The following KDM4C variants were observed in gnomAD, a reference collection of about 807,000 sequenced individuals.
KDM4C encodes lysine demethylase 4C.
A neutral mutation model predicts 129.3 loss-of-function variants in KDM4C; 81 were observed. The ratio of observed to expected loss-of-function variants is 0.63; its 90% CI spans 0.52 to 0.75. The LOEUF (loss-of-function observed/expected upper bound fraction) is 0.75. Among genes scored for constraint, KDM4C ranks in the 30% least tolerant of loss-of-function variants. The pLI, the probability that KDM4C is intolerant of heterozygous loss-of-function variation, is 0.00. For missense variants in KDM4C, 1,457 were observed against 1,304.0 expected (o/e 1.12, Z -1.81); for synonymous variants, 573 against 456.1 (o/e 1.26, Z -3.26).
intron 4 of KDM4C, among the ~76,000 whole-genome samples, chr9:6,820,016 G>A (rs542283937): frequency 2.6e-5 from 4 of 151,656 alleles, no homozygotes; most frequent in East Asian, 1.9e-4. Context: ...AATCGTAGCC[G>A]TTTTTTGGTG....
chr9:7,082,454 T>C (rs6477150), intron 17 of KDM4C, among the ~76,000 whole-genome samples: 119,762 of 152,146 alleles, frequency 0.79, 47,550 homozygotes, highest in African/African-American at 0.88. Flanking sequence ...ATCACTGGAT[T>C]TTCCAGAGCC....
chr9:6,903,094 A>T (rs1817680749), intron 8 of KDM4C, among the ~76,000 whole-genome samples: 1 of 152,128 alleles, frequency 6.6e-6, no homozygotes, highest in African/African-American at 2.4e-5. Flanking sequence ...TTTTGATTCG[A>T]TTAAAAAAAC....
intron 4 of KDM4C, among the ~76,000 whole-genome samples, chr9:6,841,163 A>G (rs1836845908): frequency 6.6e-6 from 1 of 152,152 alleles, no homozygotes; most frequent in African/African-American, 2.4e-5. Context: ...TGGATTTTCT[A>G]ATGAAGTGGT....
intron 6 of KDM4C, among the ~76,000 whole-genome samples, chr9:6,881,650 A>G (rs1844476325): frequency 6.6e-6 from 1 of 152,248 alleles, no homozygotes; most frequent in South Asian, 2.1e-4. Flanking sequence ...TCTGAAAATG[A>G]CATTCCAGAA....
chr9:7,025,850 A>G (rs1825721037), intron 15 of KDM4C, among the ~76,000 whole-genome samples: 1 of 152,198 alleles, frequency 6.6e-6, no homozygotes, highest in Admixed American at 6.5e-5. Flanking sequence ...TACTATTACC[A>G]GTGAGTTTTG....
chr9:7,128,045 T>C, intron 18 of KDM4C, 21 bp from the exon 19 acceptor site: 4 of 1,456,854 alleles, frequency 2.7e-6, no homozygotes, highest in Non-Finnish European at 3.6e-6. Context: ...TTTTCTTCCT[T>C]TTTTGTGTCC....
At chr9:6,848,453 G>A (rs1046492282) in intron 4 of KDM4C, among the ~76,000 whole-genome samples, 2 of 152,116 alleles carry the variant, frequency 1.3e-5, no homozygotes, top group African/African-American at 2.4e-5. Flanking sequence ...GGTCACTTGA[G>A]GCCAGGAGTT....
At chr9:6,832,067 C>T (rs973648618) in intron 4 of KDM4C, among the ~76,000 whole-genome samples, 18 of 152,126 alleles carry the variant, frequency 1.2e-4, no homozygotes, top group Admixed American at 7.2e-4. Flanking sequence ...CGGCTGGGTG[C>T]GGTGGTCATG....
intron 1 of KDM4C, among the ~76,000 whole-genome samples, chr9:6,749,176 C>G (rs546964894): frequency 1.3e-5 from 2 of 152,284 alleles, no homozygotes; most frequent in African/African-American, 4.8e-5. Context: ...TGCACCACCA[C>G]GCCCGGCTAA....
intron 8 of KDM4C, among the ~76,000 whole-genome samples, chr9:6,894,181 T>C (rs1463022846): frequency 3.3e-5 from 5 of 152,222 alleles, no homozygotes; most frequent in Admixed American, 1.3e-4. Flanking sequence ...CTTAGTTTAA[T>C]TTACCTGTGT....
chr9:7,038,690 G>A (rs1305925819), intron 15 of KDM4C, among the ~76,000 whole-genome samples: 1 of 152,016 alleles, frequency 6.6e-6, no homozygotes, highest in Non-Finnish European at 1.5e-5. Flanking sequence ...ATTATAAGAA[G>A]TCAGCCTGCT....
intron 17 of KDM4C, among the ~76,000 whole-genome samples, chr9:7,061,755 A>G (rs1025043797): frequency 3.9e-5 from 6 of 152,172 alleles, no homozygotes; most frequent in African/African-American, 1.4e-4. Flanking sequence ...ACCCTCTTTT[A>G]CTGGCTCTGA....
chr9:7,171,833 ATTT>A (rs1326520526), intron 21 of KDM4C, among the ~76,000 whole-genome samples: 1 of 152,014 alleles, frequency 6.6e-6, no homozygotes, highest in Admixed American at 6.6e-5. Flanking sequence ...CTCTGAAAAA[ATTT>A]TTAATTAAAA....
intron 19 of KDM4C, among the ~76,000 whole-genome samples, chr9:7,157,664 T>C (rs1474558845): frequency 2.0e-5 from 3 of 152,228 alleles, no homozygotes; most frequent in African/African-American, 4.8e-5. Context: ...ATTTATTGAT[T>C]TGCGTATGTT....
At chr9:6,944,652 G>GTTTTTTT (rs1158199897) in intron 8 of KDM4C, among the ~76,000 whole-genome samples, 1,244 of 80,934 alleles carry the variant, frequency 0.015, 177 homozygotes, top group African/African-American at 0.054. Context: ...CAAGGTAGAG[G>GTTTTTTT]TTTTTTTTTT....
chr9:6,900,343 C>T (rs914996572), intron 8 of KDM4C, among the ~76,000 whole-genome samples: 7 of 152,212 alleles, frequency 4.6e-5, no homozygotes, highest in South Asian at 4.1e-4. Flanking sequence ...GCGCCAGCCA[C>T]GTGTGTGATT....
At chr9:6,907,920 T>G (rs1011207938) in intron 8 of KDM4C, among the ~76,000 whole-genome samples, 1 of 152,336 alleles carries the variant, frequency 6.6e-6, no homozygotes, top group African/African-American at 2.4e-5. Context: ...TATTAACATA[T>G]TAAATTTTCT....
At chr9:6,952,686 C>T (rs1490334356) in intron 8 of KDM4C, among the ~76,000 whole-genome samples, 2 of 152,072 alleles carry the variant, frequency 1.3e-5, no homozygotes, top group East Asian at 3.9e-4. Flanking sequence ...GTTGATTCAC[C>T]TGCCTTGGCC....
In KDM4C at chr9:7,147,702, C is replaced by A. The variant is rs904958947; in HGVS notation, c.2782-17536C>A. 2.6e-5 allele frequency among the ~76,000 whole-genome samples: 4 copies of A among 152,288 alleles called. No individual in the cohort carries two copies. The East Asian group carries it at 5.8e-4, about 22-fold the overall frequency. On this transcript the variant is annotated intron_variant, in intron 19 of 21. Transcript: ENST00000381309. ...ATCAGGGCCGATGTTGGCTCTCTTA[C>A]CCAGGTAGGAAGAGCTACATGTGTG...
Sources: gnomAD v4.1 joint callset for allele counts (sites outside exome capture counted in the v4.1 genomes callset) on GRCh38, gnomAD v4.1.1 for gene constraint, MANE v1.5 for transcripts, NCBI Gene and HGNC (gene_info 2026-07-23, HGNC 2026-07-21) for gene names.